Variants in DNMT1 observed in about 807,000 individuals in gnomAD.
DNMT1 encodes the protein DNA methyltransferase 1, also known as DNA (cytosine-5)-methyltransferase 1.
DNMT1 carries 24 observed loss-of-function variants against 205.3 expected under a neutral mutation model. That is an observed-to-expected ratio of 0.12 (90% confidence interval 0.08 to 0.16). The LOEUF (loss-of-function observed/expected upper bound fraction) is 0.16, where lower values mean the gene tolerates loss of function less well. Among genes scored for constraint, DNMT1 ranks in the 10% least tolerant of loss-of-function variants. DNMT1 has a pLI of 1.00. For missense variants in DNMT1, 1,293 were observed against 2,177.7 expected, an observed-to-expected ratio of 0.59 and a Z score of 8.09; for synonymous variants, 817 against 839.8, an observed-to-expected ratio of 0.97 and a Z score of 0.47.
At chr19:10,174,108 T>C (rs1166111017) in intron 7 of DNMT1, among the ~76,000 whole-genome samples, 1 of 152,100 alleles carries the variant, frequency 6.6e-6, no homozygotes, top group East Asian at 1.9e-4. Context: ...CAAAAGCAGG[T>C]CCGAGAAGTA....
intron 30 of DNMT1, chr19:10,141,608 C>G (rs1479950347): frequency 5.9e-6 from 2 of 338,582 alleles, no homozygotes; most frequent in African/African-American, 4.3e-5. Flanking sequence ...ATAACGAGGG[C>G]CACCCGCACA....
chr19:10,165,883 A>G (rs1283406482), intron 11 of DNMT1, among the ~76,000 whole-genome samples: 1 of 152,092 alleles, frequency 6.6e-6, no homozygotes, highest in East Asian at 1.9e-4. Context: ...CTCCCCTGCT[A>G]TGGGGTGGGG....
chr19:10,155,998 A>G, intron 18 of DNMT1, 53 bp from the exon 19 acceptor site: 1 of 1,578,880 alleles, frequency 6.3e-7, no homozygotes, highest in Non-Finnish European at 8.6e-7. Flanking sequence ...TCCCAAACCC[A>G]GGAGGCGCTC....
intron 9 of DNMT1, among the ~76,000 whole-genome samples, chr19:10,170,729 G>A (rs1047011737): frequency 2.6e-5 from 4 of 152,206 alleles, no homozygotes; most frequent in Non-Finnish European, 2.9e-5. Flanking sequence ...TAAGGCACTC[G>A]TCACCTACCT....
chr19:10,144,043 C>T (rs1328396863), intron 28 of DNMT1, 56 bp from the exon 29 acceptor site: 1 of 1,546,422 alleles, frequency 6.5e-7, no homozygotes, highest in East Asian at 2.2e-5. Flanking sequence ...AGTGGTCAGT[C>T]AGGCATGACT....
chr19:10,155,964 A>G lies in DNMT1; in HGVS notation c.1400-19T>C, dbSNP rs778065932. 1 of 1,609,500 alleles carries G rather than the reference A, an allele frequency of 6.2e-7. No homozygotes were observed. Among genetic ancestry groups the G allele is most frequent in the African/African-American group, 1.3e-5 (1 of 74,964 alleles). ...ACACCACCTAGAGCAGAAAAAGGAA[A>G]TGGACTAAAGGCTCTGACTCACATC... is the stretch of plus-strand genomic sequence containing the variant. On this transcript the variant is annotated intron_variant, in intron 18 of 40. Transcript: ENST00000359526.
chr19:10,167,841 G>A (rs896277110), intron 10 of DNMT1, among the ~76,000 whole-genome samples: 4 of 152,102 alleles, frequency 2.6e-5, no homozygotes, highest in Non-Finnish European at 5.9e-5. Flanking sequence ...GGGGTTGGGA[G>A]GAGAAATCGA....
At position 10,182,132 on chromosome 19, in the gene DNMT1, G is replaced by A. The variant is rs140385241; in HGVS notation, c.81-55C>T. On this transcript the variant is annotated intron_variant, in intron 1 of 40. Coordinates refer to ENST00000359526, the MANE Select transcript of DNMT1 (RefSeq NM_001130823.3). ...AAACACTTGTTAAGCAACTTCATTTGCCTGTAAGAATATCACAGTTCTAAA... is the reference window on the plus strand; with the variant it reads ...AAACACTTGTTAAGCAACTTCATTTACCTGTAAGAATATCACAGTTCTAAA... The A allele has an allele frequency of 3.9e-3, 6,125 of 1,553,366 alleles. 17 individuals are homozygous for A. Among genetic ancestry groups the A allele is most frequent in the Non-Finnish European group, 4.9e-3 (5,489 of 1,125,906 alleles).
rs773576304 is a variant in DNMT1, at chr19:10,149,579, G to C, written c.2460C>G (p.Val820=). 2 of 1,613,746 alleles carry C rather than the reference G, an allele frequency of 1.2e-6. No homozygotes were observed. The highest frequency in any genetic ancestry group is 2.7e-5 in the African/African-American group (2 of 74,806). Residue 820 remains valine, a synonymous_variant, in exon 26 of 41, where the codon GTC becomes GTG. Coordinates refer to ENST00000359526, the MANE Select transcript of DNMT1 (RefSeq NM_001130823.3). ...CCAGAGGGTCCGACGTGGCCCCGAG[G>C]ACTGTGTCTGTCCCAGCGCAGAACC... ...AHWFCAGTDT[V]LGATSDPLEL... is the part of the protein sequence containing the mutation.
intron 37 of DNMT1, 100 bp downstream of exon 37, chr19:10,136,985 G>T: frequency 1.3e-6 from 2 of 1,491,116 alleles, no homozygotes; most frequent in Non-Finnish European, 9.1e-7. Flanking sequence ...GGCTTGGTGT[G>T]TCTGTGCCCT....
chr19:10,134,234 G>A lies in DNMT1; in HGVS notation c.4847C>T (p.Ala1616Val). The change falls in exon 40 of 41, where the codon GCC becomes GTC. Residue 1616 changes from alanine (A) to valine (V), a missense_variant. By Grantham distance (64) the Ala-to-Val change is moderately conservative. Around this residue, in one of 13 missense-constraint regions of DNMT1, gnomAD observed 37 missense variants for 36.3 expected, o/e 1.02. Coordinates refer to ENST00000359526, the MANE Select transcript of DNMT1 (RefSeq NM_001130823.3). ...CACCATACCTGAGGCACTCTCTCGGGCTTTGGCCAACATACAAAGCTTGAT... is the reference window on the plus strand; with the variant it reads ...CACCATACCTGAGGCACTCTCTCGGACTTTGGCCAACATACAAAGCTTGAT... ...LEIKLCMLAK[A>V]RESASAKIKE... 1 of 1,614,206 alleles carries A rather than the reference G, an allele frequency of 6.2e-7. No homozygotes were observed. Among genetic ancestry groups the A allele is most frequent in the Non-Finnish European group, 8.5e-7 (1 of 1,180,046 alleles).
At chr19:10,149,823 C>T (rs1225960653) in intron 25 of DNMT1, 30 bp downstream of exon 25, 9 of 1,611,730 alleles carry the variant, frequency 5.6e-6, no homozygotes, top group Non-Finnish European at 6.8e-6. Flanking sequence ...AAAGTGCATG[C>T]AGAAGTCAAG....
At chr19:10,158,639 C>T (rs1330666789) in intron 17 of DNMT1, among the ~76,000 whole-genome samples, 1 of 152,192 alleles carries the variant, frequency 6.6e-6, no homozygotes, top group Non-Finnish European at 1.5e-5. Context: ...GGGCCTCTGC[C>T]CACTCAAGAG....
At position 10,137,595 on chromosome 19, in the gene DNMT1, C is replaced by A. The variant is rs942593390; in HGVS notation, c.4293+237G>T. 2.0e-5 allele frequency: 13 copies of A among 665,248 alleles called. No homozygotes were observed. The highest frequency in any genetic ancestry group is 2.6e-5 in the Admixed American group (1 of 38,342). 41.2% of individuals were successfully genotyped at this position (665,248 alleles called of 1,614,324 possible). On this transcript the variant is annotated intron_variant, in intron 36 of 40. Coordinates refer to ENST00000359526, the MANE Select transcript of DNMT1 (RefSeq NM_001130823.3). The surrounding 1 kb of genome is among the most constrained non-coding windows in gnomAD (Gnocchi z 6.4). ...CGGGGAGAGGCAGCAAGGGGGAAGG[C>A]AGTGGTGGGTGGGCAGTGGCTTGAC...
intron 19 of DNMT1, 71 bp from the exon 20 acceptor site, chr19:10,155,127 G>C (rs1250469783): frequency 2.4e-5 from 39 of 1,598,760 alleles, no homozygotes; most frequent in African/African-American, 1.6e-4. Context: ...ACAGGGCATG[G>C]AGGAGTCTAC....
chr19:10,160,457 A>C (rs2038545418), intron 13 of DNMT1, 39 bp from the exon 14 acceptor site: 1 of 1,609,512 alleles, frequency 6.2e-7, no homozygotes, highest in Admixed American at 1.7e-5. Context: ...AGGCTAAGAG[A>C]GTGTTTTACA....
At position 10,161,037 on chromosome 19, in the gene DNMT1, T is replaced by C. The variant is rs556347294; in HGVS notation, c.1009-619A>G. On this transcript the variant is annotated intron_variant, in intron 13 of 40. Transcript: ENST00000359526. ...TGGCCAGGCACAGGGCCGGGCGCGA[T>C]GGCTCACGCCTGTAATCCCAGCACT... is the stretch of plus-strand genomic sequence containing the variant. Among the ~76,000 whole-genome samples, 13 of 151,970 alleles carry C rather than the reference T, an allele frequency of 8.6e-5. No individual in the cohort carries two copies. The East Asian group carries it at 2.5e-3, about 30-fold the overall frequency.
chr19:10,138,412 T>C lies in DNMT1; in HGVS notation c.4115+27A>G, dbSNP rs375293718. 10 of 1,613,578 alleles carry C rather than the reference T, an allele frequency of 6.2e-6. No individual in the cohort carries two copies. Among genetic ancestry groups the C allele is most frequent in the Non-Finnish European group, 7.6e-6 (9 of 1,180,028 alleles). On this transcript the variant is annotated intron_variant, in intron 35 of 40. Transcript: ENST00000359526. This position sits in a 1 kb window ranked among gnomAD's most constrained non-coding sequence, Gnocchi z 4.1. ...AGCTACTGAGGCCTGCTCGGCAGTGTGTGGAGGAGCGACGGGGGCCACCTA... is the reference window on the plus strand; with the variant it reads ...AGCTACTGAGGCCTGCTCGGCAGTGCGTGGAGGAGCGACGGGGGCCACCTA...
Position 10,154,520 on chromosome 19 carries a change from G to C in DNMT1, c.1833-41C>G, listed in dbSNP as rs761229261. The C allele has an allele frequency of 2.5e-6, 4 of 1,614,146 alleles. No homozygotes were observed. In the South Asian group the frequency reaches 4.4e-5, roughly 18 times the overall value. On this transcript the variant is annotated intron_variant, in intron 21 of 40. Transcript: ENST00000359526. This position sits in a 1 kb window ranked among gnomAD's most constrained non-coding sequence, Gnocchi z 6.3. ...CAGCATCTCAGAGGACTGGGACAGA[G>C]GATGTGGGCCATGCTCTACCCTCCC...
Sources: allele counts gnomAD v4.1 joint callset (sites outside exome capture counted in the v4.1 genomes callset), GRCh38; gene constraint gnomAD v4.1.1; regional missense constraint gnomAD v4.1.1; non-coding constraint Gnocchi (gnomAD v3.1); transcripts MANE v1.5; gene names NCBI Gene and HGNC (gene_info 2026-07-23, HGNC 2026-07-21).